The following NUCB2 variants were observed in gnomAD, a reference collection of about 807,000 sequenced individuals.
The protein encoded by NUCB2 is nucleobindin 2.
Under a neutral mutation model 57.9 loss-of-function variants are expected in NUCB2, and 48 were observed. That is an observed-to-expected ratio of 0.83 (90% CI 0.66 to 1.05). The LOEUF (loss-of-function observed/expected upper bound fraction) is 1.05. Ranked by LOEUF, NUCB2 falls within the 50% of genes least tolerant of loss-of-function variation. The probability of loss-of-function intolerance (pLI) is 0.00; values close to 1 mark genes in which losing one functional copy is unlikely to be tolerated. For missense variants in NUCB2, 442 were observed against 476.2 expected (o/e 0.93, Z 0.67); for synonymous variants, 139 against 152.1 (o/e 0.91, Z 0.64).
chr11:17,314,463 C>T (rs1010201866), intron 10 of NUCB2, among the ~76,000 whole-genome samples: 3 of 152,144 alleles, frequency 2.0e-5, no homozygotes, highest in Admixed American at 1.3e-4. Context: ...GACTCTCTCT[C>T]CTCTGGCCTT....
intron 2 of NUCB2, among the ~76,000 whole-genome samples, chr11:17,289,194 C>G (rs1308458570): frequency 9.2e-5 from 14 of 151,840 alleles, no homozygotes; most frequent in Admixed American, 9.2e-4. Flanking sequence ...CTAACCTCAA[C>G]CAATCTGCCT....
chr11:17,296,071 C>G, intron 3 of NUCB2, 33 bp from the exon 4 acceptor site: 1 of 1,320,074 alleles, frequency 7.6e-7, no homozygotes, highest in Non-Finnish European at 1.1e-6. Flanking sequence ...GAAAAACCTG[C>G]AGAAGCATTA....
intron 2 of NUCB2, among the ~76,000 whole-genome samples, chr11:17,290,990 T>C (rs923059874): frequency 6.6e-6 from 1 of 152,176 alleles, no homozygotes; most frequent in Non-Finnish European, 1.5e-5. Context: ...CATAAGGTTA[T>C]GCAACCATCT....
intron 4 of NUCB2, 122 bp downstream of exon 4, chr11:17,296,333 T>A: frequency 2.1e-6 from 1 of 479,384 alleles, no homozygotes; most frequent in Admixed American, 3.8e-5. Flanking sequence ...TCCTCCCACC[T>A]CAGTCTCTCC....
intron 4 of NUCB2, among the ~76,000 whole-genome samples, chr11:17,297,888 C>T (rs565136118): frequency 6.6e-6 from 1 of 151,894 alleles, no homozygotes; most frequent in Non-Finnish European, 1.5e-5. Context: ...TCAAGACTAG[C>T]CTGGCCAAGA....
At chr11:17,309,810 TTATTAATACAGA>T (rs199952025) in intron 6 of NUCB2, 135 bp downstream of exon 6, 5,714 of 539,076 alleles carry the variant, frequency 0.011, 220 homozygotes, top group Admixed American at 0.1. Flanking sequence ...AGCTTAACCC[TTATTAATACAGA>T]TATTAATATG....
chr11:17,303,401 A>G (rs56213534), intron 5 of NUCB2, among the ~76,000 whole-genome samples: 33,990 of 152,194 alleles, frequency 0.22, 4,670 homozygotes, highest in East Asian at 0.34. Flanking sequence ...GAAATCTAAT[A>G]TTATAAATCA....
At chr11:17,278,170 CTTTT>C (rs35441492) in intron 1 of NUCB2, among the ~76,000 whole-genome samples, 1 of 85,130 alleles carries the variant, frequency 1.2e-5, no homozygotes. Flanking sequence ...TTTTACCCAT[CTTTT>C]TTTTTTTTTT....
In NUCB2 at chr11:17,312,242, GT is replaced by G. The variant is rs953833620; in HGVS notation, c.912+132del. On this transcript the variant is annotated intron_variant, in intron 10 of 13. Coordinates refer to ENST00000529010, the MANE Select transcript of NUCB2 (RefSeq NM_005013.4). Reference sequence around the variant, plus strand: ...AAATGGAGTTTGCGTTTTTGTTTTTGTTTTTTTTTTGAGACAGGGTCTTACT... The same window carrying G: ...AAATGGAGTTTGCGTTTTTGTTTTTGTTTTTTTTTGAGACAGGGTCTTACT... 3.2e-3 allele frequency: 1,771 copies of G among 546,552 alleles called. 3 individuals are homozygous for G. Among genetic ancestry groups the G allele is most frequent in the African/African-American group, 8.1e-3 (398 of 49,430 alleles). 33.9% of individuals were successfully genotyped at this position (546,552 alleles called of 1,614,324 possible).
intron 4 of NUCB2, 58 bp from the exon 5 acceptor site, chr11:17,301,686 G>A: frequency 2.3e-6 from 3 of 1,319,364 alleles, no homozygotes; most frequent in Non-Finnish European, 2.2e-6. Context: ...TTAAGCTGTT[G>A]CATTTGTCTA....
chr11:17,280,260 GAGAT>G lies in NUCB2; in HGVS notation c.-155-2527_-155-2524del, dbSNP rs373057403. ...TCCGTTGTTAAGACTGGAAAAAAAG[GAGAT>G]ATAATAGTTTCATTGATGAGTGTCC... On this transcript the variant is annotated intron_variant, in intron 1 of 13. Coordinates refer to ENST00000529010, the MANE Select transcript of NUCB2 (RefSeq NM_005013.4). Among the ~76,000 whole-genome samples the G allele has an allele frequency of 6.8e-3, 1,035 of 152,308 alleles. 8 individuals are homozygous for G. The highest frequency in any genetic ancestry group is 0.023 in the African/African-American group (973 of 41,564).
chr11:17,285,135 T>C (rs1236620525), intron 2 of NUCB2, among the ~76,000 whole-genome samples: 1 of 152,086 alleles, frequency 6.6e-6, no homozygotes, highest in Non-Finnish European at 1.5e-5. Context: ...TGGAAAAAGA[T>C]ACATAAAAGA....
intron 4 of NUCB2, among the ~76,000 whole-genome samples, chr11:17,296,882 G>T (rs1419028376): frequency 6.6e-6 from 1 of 152,180 alleles, no homozygotes. Flanking sequence ...TTTGGAATAG[G>T]TGAGGTCCTG....
intron 10 of NUCB2, among the ~76,000 whole-genome samples, chr11:17,312,408 T>TTC (rs1490682220): frequency 1.3e-5 from 2 of 149,692 alleles, no homozygotes; most frequent in Non-Finnish European, 3.0e-5. Context: ...ACCTAATATT[T>TTC]TTTTTTTTTT....
chr11:17,282,560 C>T (rs973174073), intron 1 of NUCB2, among the ~76,000 whole-genome samples: 3 of 152,012 alleles, frequency 2.0e-5, no homozygotes, highest in African/African-American at 7.2e-5. Context: ...CGTGCCCGGC[C>T]AACATCTTTG....
intron 1 of NUCB2, among the ~76,000 whole-genome samples, chr11:17,282,254 A>AT (rs1289280941): frequency 2.7e-4 from 29 of 107,906 alleles, no homozygotes; most frequent in Middle Eastern, 4.6e-3. Context: ...ATATATATAT[A>AT]TATATTTTTT....
chr11:17,283,898 A>G (rs1276584910), intron 2 of NUCB2, among the ~76,000 whole-genome samples: 1 of 152,140 alleles, frequency 6.6e-6, no homozygotes. Flanking sequence ...TTGCTAGCTA[A>G]AAGTAGTTTG....
At chr11:17,285,291 G>A (rs759395479) in intron 2 of NUCB2, among the ~76,000 whole-genome samples, 4 of 152,078 alleles carry the variant, frequency 2.6e-5, no homozygotes, top group African/African-American at 9.6e-5. Flanking sequence ...TTAGCCGGGC[G>A]TGGCTGGGTG....
chr11:17,309,843 T>C (rs1390961766), intron 6 of NUCB2, among the ~76,000 whole-genome samples, 168 bp downstream of exon 6: 1 of 152,198 alleles, frequency 6.6e-6, no homozygotes, highest in Admixed American at 6.5e-5. Flanking sequence ...TACATACAGG[T>C]CTAAAATCCC....
Sources: gnomAD v4.1 joint callset for allele counts (sites outside exome capture counted in the v4.1 genomes callset) on GRCh38, gnomAD v4.1.1 for gene constraint, MANE v1.5 for transcripts, NCBI Gene and HGNC (gene_info 2026-07-23, HGNC 2026-07-21) for gene names.